Variants in TAFA2 observed in about 807,000 individuals in gnomAD.
The protein encoded by TAFA2 is chemokine-like protein TAFA-2.
Under a neutral mutation model 18.8 loss-of-function variants are expected in TAFA2, and 7 were observed. The ratio of observed to expected loss-of-function variants is 0.37; its 90% CI spans 0.21 to 0.70. The LOEUF (loss-of-function observed/expected upper bound fraction) is 0.70, where lower values mean the gene tolerates loss of function less well. TAFA2 is among the 30% of genes least tolerant of loss of function. TAFA2 has a pLI of 0.53. For missense variants in TAFA2, 122 were observed against 158.1 expected, an observed-to-expected ratio of 0.77 and a Z score of 1.23; for synonymous variants, 60 against 54.2, an observed-to-expected ratio of 1.11 and a Z score of -0.47.
intron 1 of TAFA2, among the ~76,000 whole-genome samples, chr12:61,986,382 T>C (rs1879819102): frequency 6.6e-6 from 1 of 151,916 alleles, no homozygotes; most frequent in Non-Finnish European, 1.5e-5. Context: ...CAGGCTGGTC[T>C]AGAACTCCTG....
intron 1 of TAFA2, among the ~76,000 whole-genome samples, chr12:61,871,396 C>A (rs560250884): frequency 8.5e-5 from 13 of 152,262 alleles, no homozygotes; most frequent in Non-Finnish European, 1.8e-4. Flanking sequence ...TATAAAATTT[C>A]CCAGCACAGA....
chr12:62,213,591 C>T (rs997642318), intron 1 of TAFA2, among the ~76,000 whole-genome samples: 2 of 150,018 alleles, frequency 1.3e-5, no homozygotes, highest in Admixed American at 6.7e-5. Flanking sequence ...TGCAGTGAGC[C>T]GAGATCGTGC....
At chr12:61,738,842 T>G (rs1868352837) in intron 4 of TAFA2, among the ~76,000 whole-genome samples, 1 of 152,096 alleles carries the variant, frequency 6.6e-6, no homozygotes, top group South Asian at 2.1e-4. Context: ...AGTTTAAGTA[T>G]GAATAGAGAT....
At chr12:61,985,349 CA>C (rs1879776420) in intron 1 of TAFA2, among the ~76,000 whole-genome samples, 1 of 152,154 alleles carries the variant, frequency 6.6e-6, no homozygotes, top group South Asian at 2.1e-4. Flanking sequence ...CCATAAAGGA[CA>C]AACGATTAAA....
At chr12:61,984,363 C>A (rs896290815) in intron 1 of TAFA2, among the ~76,000 whole-genome samples, 6 of 152,190 alleles carry the variant, frequency 3.9e-5, no homozygotes, top group Non-Finnish European at 7.3e-5. Flanking sequence ...TGCAGGAGAA[C>A]CCCGGTCTTG....
intron 1 of TAFA2, among the ~76,000 whole-genome samples, chr12:62,229,322 TC>T (rs1424550923): frequency 6.6e-6 from 1 of 152,172 alleles, no homozygotes; most frequent in Non-Finnish European, 1.5e-5. Context: ...TTTCAATTTT[TC>T]CCCATTCACT....
At chr12:61,987,786 G>A (rs1879867363) in intron 1 of TAFA2, among the ~76,000 whole-genome samples, 1 of 152,172 alleles carries the variant, frequency 6.6e-6, no homozygotes, top group South Asian at 2.1e-4. Flanking sequence ...GAAGTGAACG[G>A]ATGTTACGGG....
chr12:62,070,223 A>C (rs1009243020), intron 1 of TAFA2, among the ~76,000 whole-genome samples: 1 of 152,194 alleles, frequency 6.6e-6, no homozygotes, highest in Non-Finnish European at 1.5e-5. Context: ...ATCTCTTTCT[A>C]ATACTGACAC....
chr12:61,930,434 T>A (rs75950288), intron 1 of TAFA2, among the ~76,000 whole-genome samples: 2,618 of 152,314 alleles, frequency 0.017, 86 homozygotes, highest in African/African-American at 0.059. Context: ...CGTAGTTGGC[T>A]CTGTGCTTAA....
intron 1 of TAFA2, among the ~76,000 whole-genome samples, chr12:62,004,628 C>T (rs1008731743): frequency 8.1e-4 from 123 of 152,046 alleles, no homozygotes; most frequent in East Asian, 3.9e-4. Context: ...TTAAGATAAG[C>T]GGGATGGGCA....
chr12:62,240,922 T>A (rs1229489924), intron 1 of TAFA2, among the ~76,000 whole-genome samples: 2 of 152,170 alleles, frequency 1.3e-5, no homozygotes, highest in African/African-American at 4.8e-5. Flanking sequence ...TATGAGAATC[T>A]AATGCCTGAT....
At chr12:62,218,372 C>T (rs528145729) in intron 1 of TAFA2, among the ~76,000 whole-genome samples, 1 of 152,102 alleles carries the variant, frequency 6.6e-6, no homozygotes, top group African/African-American at 2.4e-5. Context: ...CTCTCCTACC[C>T]GTGTCTGATG....
rs577329595 is a variant in TAFA2, at chr12:61,918,364, A to G, written c.-1-50938T>C. 3.0e-4 allele frequency among the ~76,000 whole-genome samples: 46 copies of G among 152,096 alleles called. No individual in the cohort carries two copies. The South Asian group carries it at 7.1e-3, about 23-fold the overall frequency. On this transcript the variant is annotated intron_variant, in intron 1 of 4. Coordinates refer to ENST00000416284, the MANE Select transcript of TAFA2 (RefSeq NM_178539.5). ...CCATTCTTCTATTTCCATGAGTTCA[A>G]TTGTTTTAATTTTTAGATACCACAA...
At chr12:61,912,743 T>C (rs1323343378) in intron 1 of TAFA2, among the ~76,000 whole-genome samples, 3 of 152,196 alleles carry the variant, frequency 2.0e-5, no homozygotes, top group African/African-American at 7.2e-5. Context: ...AAAAAACTGT[T>C]TGCCTCTTCA....
chr12:62,083,075 T>C (rs1868348120), intron 1 of TAFA2, among the ~76,000 whole-genome samples: 1 of 152,160 alleles, frequency 6.6e-6, no homozygotes, highest in African/African-American at 2.4e-5. Flanking sequence ...CATTCTGGAA[T>C]TCAGGCTTTT....
At chr12:62,241,508 C>A (rs2062863026) in intron 1 of TAFA2, among the ~76,000 whole-genome samples, 1 of 152,124 alleles carries the variant, frequency 6.6e-6, no homozygotes, top group African/African-American at 2.4e-5. Flanking sequence ...ACTATAATTT[C>A]TTGTTTCCAT....
At chr12:61,715,952 T>G (rs546415991) in intron 4 of TAFA2, among the ~76,000 whole-genome samples, 163 of 151,706 alleles carry the variant, frequency 1.1e-3, no homozygotes, top group South Asian at 3.1e-3. Context: ...AAGAAAAAAA[T>G]GAAGCACGAC....
intron 1 of TAFA2, among the ~76,000 whole-genome samples, chr12:61,886,716 G>A (rs1395247338): frequency 6.6e-6 from 1 of 152,162 alleles, no homozygotes; most frequent in African/African-American, 2.4e-5. Flanking sequence ...AAAAGGATTG[G>A]TTTTTGACTT....
chr12:62,204,429 T>A (rs1156785324), intron 1 of TAFA2, among the ~76,000 whole-genome samples: 1 of 152,178 alleles, frequency 6.6e-6, no homozygotes, highest in African/African-American at 2.4e-5. Context: ...ACCCAAAGTA[T>A]GTTTTCCAAT....
Sources: allele counts gnomAD v4.1 joint callset (sites outside exome capture counted in the v4.1 genomes callset), GRCh38; gene constraint gnomAD v4.1.1; transcripts MANE v1.5; gene names NCBI Gene and HGNC (gene_info 2026-07-23, HGNC 2026-07-21).